KATNIP: variants seen among roughly 807,000 people sequenced by gnomAD.
KATNIP encodes the protein katanin interacting protein.
In KATNIP, 126 loss-of-function variants were observed where a neutral mutation model predicts 174.0. That is an observed-to-expected ratio of 0.72 (90% CI 0.63 to 0.84). The LOEUF is 0.84. Ranked by LOEUF, KATNIP falls within the 40% of genes least tolerant of loss-of-function variation. The probability of loss-of-function intolerance (pLI) is 0.00; values close to 1 mark genes in which losing one functional copy is unlikely to be tolerated. For synonymous variants in KATNIP, 810 were observed against 835.7 expected, an observed-to-expected ratio of 0.97 and a Z score of 0.53; for missense variants, 1,958 against 2,109.7, an observed-to-expected ratio of 0.93 and a Z score of 1.41.
At position 27,656,389 on chromosome 16, in the gene KATNIP, G is replaced by A. The variant is rs573998092; in HGVS notation, c.540+7654G>A. 5.3e-5 allele frequency among the ~76,000 whole-genome samples: 7 copies of A among 131,620 alleles called. No homozygotes were observed. In the East Asian group the frequency reaches 1.6e-3, roughly 29 times the overall value. 86.3% of individuals were successfully genotyped at this position (131,620 alleles called of 152,430 possible). A position where few individuals can be genotyped will look rare whatever the true frequency, so the allele number is the denominator to read the frequency against. On this transcript the variant is annotated intron_variant, in intron 6 of 27. Coordinates refer to ENST00000261588, the MANE Select transcript of KATNIP (RefSeq NM_015202.5). ...GCTGTGATCATGGCACTACACTCCA[G>A]CCTAGGCAACAGAGTGAGACTCTGT...
chr16:27,709,002 G>T (rs75842085), intron 13 of KATNIP, 82 bp downstream of exon 13: 1 of 1,164,364 alleles, frequency 8.6e-7, no homozygotes, highest in African/African-American at 1.5e-5. Context: ...TGTGTTAAGG[G>T]TATGAGTGGA....
At chr16:27,692,207 C>T (rs2078758853) in intron 8 of KATNIP, among the ~76,000 whole-genome samples, 1 of 152,174 alleles carries the variant, frequency 6.6e-6, no homozygotes, top group African/African-American at 2.4e-5. Flanking sequence ...GTGTCAGGTG[C>T]TGGTGCATTT....
rs56675372 is a variant in KATNIP at position 27,749,563 on chromosome 16, C to T, written c.2624-21C>T. ...ACATGCCACTCACAGGGCTTCCCCCCTCTTGTGTCCTTTCTTCCAGAAGAC... is the reference window on the plus strand; with the variant it reads ...ACATGCCACTCACAGGGCTTCCCCCTTCTTGTGTCCTTTCTTCCAGAAGAC... On this transcript the variant is annotated intron_variant, in intron 15 of 27. Transcript: ENST00000261588. The T allele has an allele frequency of 0.028, 42,275 of 1,520,612 alleles. 875 individuals are homozygous for T. Among genetic ancestry groups the T allele is most frequent in the African/African-American group, 0.095 (6,869 of 71,960 alleles). 94.2% of individuals were successfully genotyped at this position (1,520,612 alleles called of 1,614,324 possible).
chr16:27,679,583 C>T (rs1567292243), intron 7 of KATNIP, among the ~76,000 whole-genome samples: 1 of 151,582 alleles, frequency 6.6e-6, no homozygotes, highest in African/African-American at 2.4e-5. Flanking sequence ...CCCATCTCTA[C>T]AAAAAAATGT....
chr16:27,651,404 A>G (rs574216478), intron 6 of KATNIP, among the ~76,000 whole-genome samples: 1 of 152,294 alleles, frequency 6.6e-6, no homozygotes, highest in East Asian at 1.9e-4. Flanking sequence ...GCAAAGGCAG[A>G]AGTCTTAAGA....
In KATNIP at chr16:27,777,830, G is replaced by C. The variant is rs368256864; in HGVS notation, c.4713-51G>C. On this transcript the variant is annotated intron_variant, in intron 26 of 27. Transcript: ENST00000261588. The surrounding 1 kb of genome is among the most constrained non-coding windows in gnomAD (Gnocchi z 4.4). Reference sequence around the variant, plus strand: ...AGCCCTAAGGAGGATGGATGGCTGGGACACACGGCCAGGAGCCTGATCGAA... The same window carrying C: ...AGCCCTAAGGAGGATGGATGGCTGGCACACACGGCCAGGAGCCTGATCGAA... 1.2e-6 allele frequency: 2 copies of C among 1,613,296 alleles called. No individual in the cohort carries two copies. The highest frequency in any genetic ancestry group is 1.7e-6 in the Non-Finnish European group (2 of 1,179,282).
At chr16:27,701,783 G>A (rs374731674) in intron 11 of KATNIP, 88 bp downstream of exon 11, 80 of 875,700 alleles carry the variant, frequency 9.1e-5, no homozygotes, top group Admixed American at 7.0e-5. Context: ...CTTTTCCTAC[G>A]TTTTTTTCAG....
chr16:27,636,043 C>G (rs949447206), intron 5 of KATNIP, among the ~76,000 whole-genome samples: 2 of 152,122 alleles, frequency 1.3e-5, no homozygotes, highest in African/African-American at 2.4e-5. Context: ...GTCCCAGCTA[C>G]TGAGGAGGCT....
At chr16:27,750,912 G>A (rs2143808853) in intron 16 of KATNIP, among the ~76,000 whole-genome samples, 1 of 151,558 alleles carries the variant, frequency 6.6e-6, no homozygotes, top group Middle Eastern at 3.4e-3. Flanking sequence ...ATTTTTTGTA[G>A]AGACGAGGTT....
chr16:27,688,242 C>G (rs543103855), intron 8 of KATNIP, among the ~76,000 whole-genome samples: 42 of 152,256 alleles, frequency 2.8e-4, no homozygotes, highest in African/African-American at 9.9e-4. Context: ...CAAGACCAGC[C>G]TGGGCGGTGT....
Position 27,721,636 on chromosome 16 carries a change from C to T in KATNIP, c.1684C>T (p.Gln562Ter). The T allele has an allele frequency of 1.9e-6, 3 of 1,614,186 alleles. No homozygotes were observed. Among genetic ancestry groups the T allele is most frequent in the Non-Finnish European group, 2.5e-6 (3 of 1,180,022 alleles). Residue 562 changes from glutamine (Q) to a stop codon, truncating the protein, a stop_gained, in exon 14 of 28, where the codon CAG becomes TAG. Coordinates refer to ENST00000261588, the MANE Select transcript of KATNIP (RefSeq NM_015202.5). LOFTEE classifies it high-confidence loss of function. ...GTTTTTTGTTATTCGAAACACAAGA[C>T]AGCTGGGGGACTTCCATCTGGCCAA... ...QLFFVIRNTR[Q>*]LGDFHLAKIK...
At chr16:27,604,353 C>A (rs975950835) in intron 2 of KATNIP, among the ~76,000 whole-genome samples, 1 of 152,156 alleles carries the variant, frequency 6.6e-6, no homozygotes, top group African/African-American at 2.4e-5. Flanking sequence ...CCCAACTCAG[C>A]CTGTGAAGTA....
chr16:27,709,076 T>C (rs1305228224), intron 13 of KATNIP, 156 bp downstream of exon 13: 3 of 586,066 alleles, frequency 5.1e-6, no homozygotes, highest in African/African-American at 1.9e-5. Flanking sequence ...CCCAGCACTT[T>C]GGGAGGCTGA....
chr16:27,765,832 C>T (rs1014640113), intron 19 of KATNIP, among the ~76,000 whole-genome samples: 2 of 152,202 alleles, frequency 1.3e-5, no homozygotes, highest in Non-Finnish European at 1.5e-5. Context: ...ACCTTAACCC[C>T]TGTGAAATTT....
chr16:27,724,186 C>T (rs951734980), intron 14 of KATNIP, among the ~76,000 whole-genome samples: 4 of 152,254 alleles, frequency 2.6e-5, no homozygotes, highest in East Asian at 3.9e-4. Context: ...GGAATGCAGC[C>T]CCAGCCCACA....
At chr16:27,550,231 C>T in intron 1 of KATNIP, 54 bp downstream of exon 1, 15 of 1,584,360 alleles carry the variant, frequency 9.5e-6, no homozygotes, top group Non-Finnish European at 1.3e-5. Context: ...CCCATCCCTC[C>T]CGACCGCGCT....
Position 27,750,497 on chromosome 16 carries a change from G to T in KATNIP, c.3346+191G>T, listed in dbSNP as rs557808617. Among the ~76,000 whole-genome samples, 231 of 148,338 alleles carry T rather than the reference G, an allele frequency of 1.6e-3. 2 individuals carry two copies. In the Middle Eastern group the frequency reaches 0.018, roughly 11 times the overall value. Reference sequence around the variant, plus strand: ...TGCAGTGGCGCGATCTTGGCTCACTGCAAGATCCGCCTCCCGGGTTCACGC... The same window carrying T: ...TGCAGTGGCGCGATCTTGGCTCACTTCAAGATCCGCCTCCCGGGTTCACGC... On this transcript the variant is annotated intron_variant, in intron 16 of 27. Transcript: ENST00000261588.
At chr16:27,619,097 A>C (rs761353209) in intron 3 of KATNIP, among the ~76,000 whole-genome samples, 2 of 152,172 alleles carry the variant, frequency 1.3e-5, no homozygotes, top group Non-Finnish European at 2.9e-5. Context: ...GTTCATTTTC[A>C]GTTCACCGCA....
chr16:27,612,249 A>C (rs913506725), intron 2 of KATNIP, among the ~76,000 whole-genome samples: 25 of 152,320 alleles, frequency 1.6e-4, no homozygotes, highest in African/African-American at 5.3e-4. Flanking sequence ...CAACAGGTAC[A>C]GGCATCACCC....
Sources: gnomAD v4.1 joint callset for allele counts (sites outside exome capture counted in the v4.1 genomes callset) on GRCh38, gnomAD v4.1.1 for gene constraint, Gnocchi (gnomAD v3.1) non-coding constraint, MANE v1.5 for transcripts, NCBI Gene and HGNC (gene_info 2026-07-23, HGNC 2026-07-21) for gene names.